Variants in WWOX observed in about 807,000 individuals in gnomAD.
WWOX encodes WW domain-containing oxidoreductase.
In WWOX, 69 loss-of-function variants were observed where a neutral mutation model predicts 46.2. The observed-to-expected ratio is 1.49, with a 90% confidence interval of 1.23 to 1.82. The LOEUF is 1.82. Among genes scored for constraint, WWOX ranks in the 40% most tolerant of loss-of-function variants. The probability of loss-of-function intolerance (pLI) is 0.00; values close to 1 mark genes in which losing one functional copy is unlikely to be tolerated. For missense variants in WWOX, 919 were observed against 542.6 expected (o/e 1.69, Z -6.89); for synonymous variants, 359 against 202.6 (o/e 1.77, Z -6.56).
intron 5 of WWOX, among the ~76,000 whole-genome samples, chr16:78,309,480 C>A (rs1194306844): frequency 6.6e-6 from 1 of 152,134 alleles, no homozygotes; most frequent in African/African-American, 2.4e-5. Context: ...GCCCTCATCC[C>A]CATCACTTTG....
intron 8 of WWOX, among the ~76,000 whole-genome samples, chr16:78,625,220 C>T (rs1268560868): frequency 6.6e-6 from 1 of 152,148 alleles, no homozygotes; most frequent in Non-Finnish European, 1.5e-5. Context: ...TGCGTTTAGG[C>T]TGGGGTCACC....
At chr16:78,802,709 A>T (rs143760373) in intron 8 of WWOX, among the ~76,000 whole-genome samples, 28 of 152,008 alleles carry the variant, frequency 1.8e-4, no homozygotes, top group African/African-American at 6.5e-4. Context: ...TGAGGTCAGG[A>T]GTTCAAGATC....
chr16:78,410,715 A>C (rs2082659997), intron 6 of WWOX, among the ~76,000 whole-genome samples: 1 of 151,128 alleles, frequency 6.6e-6, no homozygotes, highest in Non-Finnish European at 1.5e-5. Flanking sequence ...CTAAGGCTGG[A>C]GAACAGCTTC....
At chr16:79,199,400 C>A (rs907740984) in intron 8 of WWOX, among the ~76,000 whole-genome samples, 2 of 152,096 alleles carry the variant, frequency 1.3e-5, no homozygotes, top group Non-Finnish European at 2.9e-5. Context: ...GTGCAGAATT[C>A]CCCCTAAAGG....
chr16:78,870,646 G>A (rs1487065236), intron 8 of WWOX, among the ~76,000 whole-genome samples: 1 of 152,162 alleles, frequency 6.6e-6, no homozygotes, highest in African/African-American at 2.4e-5. Flanking sequence ...CTGTTGCCCA[G>A]GCTGGAGTGC....
chr16:78,677,942 T>C (rs1383902675), intron 8 of WWOX, among the ~76,000 whole-genome samples: 2 of 152,224 alleles, frequency 1.3e-5, no homozygotes, highest in Non-Finnish European at 2.9e-5. Context: ...TTTGCCCAAA[T>C]ATGTCCTTTT....
chr16:78,714,642 G>A (rs1317287496), intron 8 of WWOX, among the ~76,000 whole-genome samples: 1 of 152,156 alleles, frequency 6.6e-6, no homozygotes, highest in Admixed American at 6.5e-5. Context: ...GAGTGTCCCA[G>A]GCGGAGGAAA....
At chr16:79,145,441 G>T (rs948612954) in intron 8 of WWOX, among the ~76,000 whole-genome samples, 1 of 152,066 alleles carries the variant, frequency 6.6e-6, no homozygotes, top group African/African-American at 2.4e-5. Flanking sequence ...GGCTCAAGCA[G>T]TCCTCCCATC....
At chr16:78,172,282 C>T (rs1597304820) in intron 5 of WWOX, among the ~76,000 whole-genome samples, 1 of 152,310 alleles carries the variant, frequency 6.6e-6, no homozygotes, top group East Asian at 1.9e-4. Flanking sequence ...CTCTTTCCTT[C>T]GCCTTCCGTT....
At chr16:78,280,395 A>G (rs1238472725) in intron 5 of WWOX, among the ~76,000 whole-genome samples, 1 of 152,240 alleles carries the variant, frequency 6.6e-6, no homozygotes, top group Non-Finnish European at 1.5e-5. Context: ...CGAAACAGGT[A>G]AGAGAAACAA....
chr16:78,472,809 C>CA (rs756666392), intron 8 of WWOX, among the ~76,000 whole-genome samples: 6,775 of 50,542 alleles, frequency 0.13, 735 homozygotes, highest in East Asian at 0.24. Flanking sequence ...AACTCCATCT[C>CA]AAAAAAAAAA....
At chr16:78,865,716 C>G (rs1225436867) in intron 8 of WWOX, among the ~76,000 whole-genome samples, 1 of 152,060 alleles carries the variant, frequency 6.6e-6, no homozygotes, top group Non-Finnish European at 1.5e-5. Context: ...CCCATCTCTA[C>G]TAAAAATACA....
At chr16:78,832,116 C>G (rs192125132) in intron 8 of WWOX, among the ~76,000 whole-genome samples, 74 of 152,294 alleles carry the variant, frequency 4.9e-4, no homozygotes, top group African/African-American at 1.7e-3. Flanking sequence ...GTGATTCTAG[C>G]TCAGGGTCTT....
intron 8 of WWOX, among the ~76,000 whole-genome samples, chr16:78,483,770 G>T (rs1403703178): frequency 6.6e-6 from 1 of 151,936 alleles, no homozygotes; most frequent in African/African-American, 2.4e-5. Flanking sequence ...CACACCTTTG[G>T]AAATCAAGGC....
intron 8 of WWOX, among the ~76,000 whole-genome samples, chr16:79,067,113 A>G (rs7201655): frequency 0.077 from 11,670 of 152,212 alleles, 907 homozygotes; most frequent in African/African-American, 0.2. Context: ...GCTGGATGCA[A>G]TCCTTGGAGG....
At chr16:78,722,195 C>G (rs1374836955) in intron 8 of WWOX, among the ~76,000 whole-genome samples, 1 of 152,200 alleles carries the variant, frequency 6.6e-6, no homozygotes, top group Non-Finnish European at 1.5e-5. Context: ...GACACCAAGG[C>G]ACGATGACCG....
chr16:78,506,728 T>TTTTTTTTTTTTTTTTTTTTTTG (rs1330915138), intron 8 of WWOX, among the ~76,000 whole-genome samples: 1 of 93,592 alleles, frequency 1.1e-5, no homozygotes. Flanking sequence ...TTTTTTTTTT[T>TTTTTTTTTTTTTTTTTTTTTTG]GTACAGAGTC....
chr16:78,310,485 C>A (rs1391940014), intron 5 of WWOX, among the ~76,000 whole-genome samples: 1 of 152,218 alleles, frequency 6.6e-6, no homozygotes, highest in Non-Finnish European at 1.5e-5. Flanking sequence ...AGATTGATGC[C>A]TTTGGCTGTG....
intron 3 of WWOX, among the ~76,000 whole-genome samples, 172 bp from the exon 4 acceptor site, chr16:78,114,804 G>A (rs182854501): frequency 4.6e-4 from 70 of 152,276 alleles, no homozygotes; most frequent in African/African-American, 1.6e-3. Context: ...TGGCACAAAT[G>A]TGATCCTTCT....
Sources: allele counts gnomAD v4.1 joint callset (sites outside exome capture counted in the v4.1 genomes callset), GRCh38; gene constraint gnomAD v4.1.1; transcripts MANE v1.5; gene names NCBI Gene and HGNC (gene_info 2026-07-23, HGNC 2026-07-21).